The following ZFR variants were observed in gnomAD, a reference collection of about 807,000 sequenced individuals.
ZFR encodes zinc finger RNA binding protein, also known as zinc finger RNA-binding protein.
In ZFR, 19 loss-of-function variants were observed where a neutral mutation model predicts 130.7. The observed-to-expected ratio is 0.15, with a 90% confidence interval of 0.10 to 0.21. The LOEUF is 0.21. Among genes scored for constraint, ZFR ranks in the 10% least tolerant of loss-of-function variants. The pLI, the probability that ZFR is intolerant of heterozygous loss-of-function variation, is 1.00. For synonymous variants in ZFR, 466 were observed against 456.9 expected (o/e 1.02, Z -0.25); for missense variants, 872 against 1,321.5 (o/e 0.66, Z 5.27).
In ZFR at chr5:32,444,735, G is replaced by A; in HGVS notation, c.-77C>T. On this transcript the variant is annotated 5_prime_UTR_variant, in exon 1 of 20. Transcript: ENST00000265069. ...CTCTGCCCCGCTCCTCCTCAGCGGA[G>A]AACAGACCGCCGCCTCCGACCGCAC... 6.7e-7 allele frequency: 1 copy of A among 1,481,764 alleles called. No homozygotes were observed. The highest frequency in any genetic ancestry group is 9.0e-7 in the Non-Finnish European group (1 of 1,116,284). The allele number at this position is 1,481,764 out of a possible 1,614,324, so 91.8% of individuals were successfully genotyped here. A position where few individuals can be genotyped will look rare whatever the true frequency, so the allele number is the denominator to read the frequency against.
chr5:32,375,847 G>GTT (rs776220828), intron 17 of ZFR, among the ~76,000 whole-genome samples: 20 of 140,998 alleles, frequency 1.4e-4, no homozygotes, highest in Admixed American at 2.2e-4. Flanking sequence ...TTTTAAATTA[G>GTT]TTTTTTTTTT....
chr5:32,403,333 T>C lies in ZFR; in HGVS notation c.1289A>G (p.Gln430Arg). ...AGATACAGCTGTTGAAGAAGTAGCT[T>C]GGCTAACAACATTTGGTTCTGTTGA... ...IPSTEPNVVS[Q>R]ATSSTAVSAS... The change falls in exon 8 of 20, where the codon CAA becomes CGA. Residue 430 changes from glutamine to arginine, a missense_variant. Gln to Arg is a conservative substitution (Grantham distance 43). Coordinates refer to ENST00000265069, the MANE Select transcript of ZFR (RefSeq NM_016107.5). The C allele has an allele frequency of 6.2e-7, 1 of 1,614,214 alleles. No individual in the cohort carries two copies. The highest frequency in any genetic ancestry group is 8.5e-7 in the Non-Finnish European group (1 of 1,180,024).
chr5:32,378,757 ACATT>A lies in ZFR; in HGVS notation c.2835+354_2835+357del, dbSNP rs919869840. Among the ~76,000 whole-genome samples the A allele has an allele frequency of 1.2e-4, 18 of 151,460 alleles. No individual in the cohort carries two copies. In the East Asian group the frequency reaches 3.3e-3, roughly 28 times the overall value. On this transcript the variant is annotated intron_variant, in intron 17 of 19. Coordinates refer to ENST00000265069, the MANE Select transcript of ZFR (RefSeq NM_016107.5). ...GAATTTTTACAGTTCCCAACCACAT[ACATT>A]ATTTTAAAAAATGTCCCTGCATAAG...
At position 32,403,330 on chromosome 5, in the gene ZFR, G is replaced by C. The variant is rs767465145; in HGVS notation, c.1292C>G (p.Ala431Gly). 2.5e-6 allele frequency: 4 copies of C among 1,614,076 alleles called. No individual in the cohort carries two copies. In the Admixed American group the frequency reaches 5.0e-5, roughly 20 times the overall value. Residue 431 changes from alanine to glycine, a missense_variant, in exon 8 of 20, where the codon GCT (alanine) becomes GGT (glycine). Physicochemically the swap from Ala to Gly is moderately conservative, Grantham distance 60. Around this residue, in one of 7 missense-constraint regions of ZFR, gnomAD observed 143 missense variants for 137.9 expected, o/e 1.04. Coordinates refer to ENST00000265069, the MANE Select transcript of ZFR (RefSeq NM_016107.5). ...AGCAGATACAGCTGTTGAAGAAGTA[G>C]CTTGGCTAACAACATTTGGTTCTGT... ...PSTEPNVVSQATSSTAVSASK... is the reference protein window; with the variant it reads ...PSTEPNVVSQGTSSTAVSASK...
At chr5:32,357,422 C>T (rs920905846) in intron 19 of ZFR, among the ~76,000 whole-genome samples, 15 of 152,088 alleles carry the variant, frequency 9.9e-5, no homozygotes, top group Non-Finnish European at 1.6e-4. Flanking sequence ...CATACCACCA[C>T]GCCAGGCTAA....
intron 9 of ZFR, among the ~76,000 whole-genome samples, chr5:32,397,927 G>T (rs6876710): frequency 1.4e-5 from 2 of 138,904 alleles, no homozygotes; most frequent in Non-Finnish European, 3.0e-5. Flanking sequence ...GTGCGATCTC[G>T]GCTCACTGCC....
chr5:32,439,884 T>C (rs1294155166), intron 2 of ZFR, among the ~76,000 whole-genome samples: 1 of 151,138 alleles, frequency 6.6e-6, no homozygotes, highest in Non-Finnish European at 1.5e-5. Context: ...GATTATTTTA[T>C]AACGTTTATT....
intron 9 of ZFR, among the ~76,000 whole-genome samples, chr5:32,399,013 C>G (rs1410417583): frequency 6.6e-6 from 1 of 151,978 alleles, no homozygotes; most frequent in Non-Finnish European, 1.5e-5. Context: ...CAGTGTCTCA[C>G]GCCTGTAATC....
chr5:32,403,065 C>T (rs757454363), intron 8 of ZFR, 41 bp downstream of exon 8: 2 of 1,583,832 alleles, frequency 1.3e-6, no homozygotes, highest in South Asian at 1.2e-5. Flanking sequence ...AGAAACAACA[C>T]TTTGACAGAG....
At chr5:32,386,192 A>G (rs970788806) in intron 14 of ZFR, among the ~76,000 whole-genome samples, 2 of 152,088 alleles carry the variant, frequency 1.3e-5, no homozygotes, top group African/African-American at 4.8e-5. Flanking sequence ...TATAGTATCT[A>G]GGTTTAAATC....
At position 32,390,221 on chromosome 5, in the gene ZFR, T is replaced by C. The variant is rs1753134799; in HGVS notation, c.2142+54A>G. 3 of 1,567,006 alleles carry C rather than the reference T, an allele frequency of 1.9e-6. No homozygotes were observed. The Admixed American group carries it at 5.7e-5, about 30-fold the overall frequency. ...TAGCCCCTCCAAAATTGTTTTCTTC[T>C]AATGCTGAACCAGTCAAACTTTCAC... On this transcript the variant is annotated intron_variant, in intron 12 of 19. Coordinates refer to ENST00000265069, the MANE Select transcript of ZFR (RefSeq NM_016107.5).
At chr5:32,387,388 AAT>A (rs1297334944) in intron 14 of ZFR, among the ~76,000 whole-genome samples, 159 bp downstream of exon 14, 1 of 152,180 alleles carries the variant, frequency 6.6e-6, no homozygotes, top group African/African-American at 2.4e-5. Flanking sequence ...TGAAGTAGAA[AAT>A]AGTTTCATCA....
At chr5:32,397,613 C>T (rs894663550) in intron 9 of ZFR, among the ~76,000 whole-genome samples, 6 of 152,186 alleles carry the variant, frequency 3.9e-5, no homozygotes, top group East Asian at 1.9e-4. Context: ...AACACCACCA[C>T]GACCGGCTAA....
intron 17 of ZFR, among the ~76,000 whole-genome samples, chr5:32,372,838 A>C (rs578069411): frequency 3.5e-4 from 53 of 152,188 alleles, no homozygotes; most frequent in Admixed American, 1.8e-3. Context: ...TGGTCTCAAA[A>C]AAACAAACAA....
At chr5:32,429,790 C>T (rs1026682945) in intron 2 of ZFR, among the ~76,000 whole-genome samples, 7 of 151,856 alleles carry the variant, frequency 4.6e-5, no homozygotes, top group African/African-American at 1.7e-4. Context: ...CTTAAGAGGC[C>T]AGGCGCAGTA....
intron 4 of ZFR, among the ~76,000 whole-genome samples, chr5:32,416,915 T>C (rs1269434393): frequency 4.8e-3 from 5 of 1,032 alleles, no homozygotes; most frequent in Non-Finnish European, 0.025. Flanking sequence ...ATTTTTTTTC[T>C]TTTTTTTTTT....
Position 32,390,520 on chromosome 5 carries a change from T to TA in ZFR, c.1980-84dup, listed in dbSNP as rs1165353154. Reference sequence around the variant, plus strand: ...GCATCAATAGTGACATAAAAAGCAATAAAAAACCCCACCAACATCAGCCTA... The same window carrying TA: ...GCATCAATAGTGACATAAAAAGCAATAAAAAAACCCCACCAACATCAGCCTA... On this transcript the variant is annotated intron_variant, in intron 11 of 19. Transcript: ENST00000265069. 19 of 1,347,302 alleles carry TA rather than the reference T, an allele frequency of 1.4e-5. No homozygotes were observed. The Admixed American group carries it at 2.4e-4, about 17-fold the overall frequency. 83.5% of individuals were successfully genotyped at this position (1,347,302 alleles called of 1,614,324 possible).
At chr5:32,421,541 T>G (rs762263926) in intron 2 of ZFR, among the ~76,000 whole-genome samples, 24 of 152,126 alleles carry the variant, frequency 1.6e-4, no homozygotes, top group Non-Finnish European at 2.2e-4. Flanking sequence ...GTCAGAGATA[T>G]GGGTTTTAAT....
At chr5:32,439,252 C>A (rs760898339) in intron 2 of ZFR, among the ~76,000 whole-genome samples, 5 of 152,152 alleles carry the variant, frequency 3.3e-5, no homozygotes, top group Non-Finnish European at 5.9e-5. Flanking sequence ...TCTTGTAAAG[C>A]CAGTAAATTT....
Sources: allele counts gnomAD v4.1 joint callset (sites outside exome capture counted in the v4.1 genomes callset), GRCh38; gene constraint gnomAD v4.1.1; regional missense constraint gnomAD v4.1.1; transcripts MANE v1.5; gene names NCBI Gene and HGNC (gene_info 2026-07-23, HGNC 2026-07-21).